The following DOCK5 variants were observed in gnomAD, a reference collection of about 807,000 sequenced individuals.
DOCK5 encodes dedicator of cytokinesis protein 5.
A neutral mutation model predicts 251.8 loss-of-function variants in DOCK5; 142 were observed. That is an observed-to-expected ratio of 0.56 (90% CI 0.49 to 0.65). The LOEUF (loss-of-function observed/expected upper bound fraction) is 0.65. DOCK5 is among the 30% of genes least tolerant of loss of function. The pLI, the probability that DOCK5 is intolerant of heterozygous loss-of-function variation, is 0.00. For missense variants in DOCK5, 2,111 were observed against 2,312.3 expected (o/e 0.91, Z 1.79); for synonymous variants, 842 against 835.5 (o/e 1.01, Z -0.13).
At chr8:25,339,511 G>A (rs902225021) in intron 22 of DOCK5, among the ~76,000 whole-genome samples, 2 of 152,144 alleles carry the variant, frequency 1.3e-5, no homozygotes, top group African/African-American at 2.4e-5. Context: ...TTGGAGTGGT[G>A]GAACCAGCAG....
intron 37 of DOCK5, chr8:25,376,468 T>C (rs1264618734): frequency 1.5e-6 from 1 of 673,488 alleles, no homozygotes; most frequent in Non-Finnish European, 1.8e-6. Flanking sequence ...ACCAGTACCA[T>C]ACTGTATTAA....
rs766735672 is a variant in DOCK5 at position 25,359,008 on chromosome 8, G to A, written c.2896G>A (p.Asp966Asn). ...GATTGCCCTGCTGCAGCAAATGGAC[G>A]ACAGCCACTATAGCCACTACATCAG... ...CMIALLQQMD[D>N]SHYSHYISTF... The change falls in exon 28 of 52, where the codon GAC becomes AAC. Residue 966 changes from aspartate (D) to asparagine (N), a missense_variant. Coordinates refer to ENST00000276440, the MANE Select transcript of DOCK5 (RefSeq NM_024940.8). 6.2e-6 allele frequency: 10 copies of A among 1,613,814 alleles called. No homozygotes were observed. Among genetic ancestry groups the A allele is most frequent in the African/African-American group, 5.3e-5 (4 of 74,914 alleles).
intron 13 of DOCK5, among the ~76,000 whole-genome samples, chr8:25,313,984 G>T (rs73560446): frequency 2.0e-5 from 3 of 151,980 alleles, no homozygotes; most frequent in Non-Finnish European, 4.4e-5. Context: ...TCTCCCTAGG[G>T]GTATCATCCA....
intron 48 of DOCK5, among the ~76,000 whole-genome samples, chr8:25,406,363 A>G (rs1019259819): frequency 2.0e-5 from 3 of 152,202 alleles, no homozygotes; most frequent in African/African-American, 7.2e-5. Context: ...AAGTATTTAA[A>G]ATAGTCTTGA....
At chr8:25,397,403 C>A (rs1801364704) in intron 45 of DOCK5, among the ~76,000 whole-genome samples, 1 of 152,194 alleles carries the variant, frequency 6.6e-6, no homozygotes. Context: ...GAATGTTCTT[C>A]ATGGGTGGTG....
intron 2 of DOCK5, among the ~76,000 whole-genome samples, chr8:25,247,707 T>C (rs934549682): frequency 5.3e-5 from 8 of 152,026 alleles, no homozygotes; most frequent in African/African-American, 1.9e-4. Context: ...GCTAAGGGGG[T>C]CACTGAGCTT....
intron 13 of DOCK5, among the ~76,000 whole-genome samples, chr8:25,311,420 G>A (rs1805091841): frequency 6.6e-6 from 1 of 151,720 alleles, no homozygotes; most frequent in Non-Finnish European, 1.5e-5. Context: ...GCACGTGCCT[G>A]TAGTCCCAGC....
chr8:25,226,215 A>G (rs1214705199), intron 1 of DOCK5, among the ~76,000 whole-genome samples: 3 of 150,986 alleles, frequency 2.0e-5, no homozygotes, highest in Non-Finnish European at 4.4e-5. Flanking sequence ...TATCCTCCAC[A>G]CTAGTCTTAA....
chr8:25,369,577 A>T lies in DOCK5; in HGVS notation c.3460A>T (p.Lys1154Ter). Residue 1154 changes from lysine (K) to a stop codon, truncating the protein, a stop_gained, in exon 34 of 52, where the codon AAG becomes TAG. Transcript: ENST00000276440. LOFTEE classifies it high-confidence loss of function. ...TCAGTTTGAGAATGAGCTGATCACAAAGCTGGACCAGGAGGTAGAAGGGGG... is the reference window on the plus strand; with the variant it reads ...TCAGTTTGAGAATGAGCTGATCACATAGCTGGACCAGGAGGTAGAAGGGGG... ...FHMFENELIT[K>*]LDQEVEGGRG... 1 of 1,611,352 alleles carries T rather than the reference A, an allele frequency of 6.2e-7. No homozygotes were observed. Among genetic ancestry groups the T allele is most frequent in the Non-Finnish European group, 8.5e-7 (1 of 1,178,800 alleles).
chr8:25,264,905 A>G (rs1324245338), intron 2 of DOCK5, among the ~76,000 whole-genome samples: 1 of 152,038 alleles, frequency 6.6e-6, no homozygotes, highest in Non-Finnish European at 1.5e-5. Flanking sequence ...TGCTGTACTT[A>G]GAATAAAACT....
chr8:25,311,324 A>G (rs1002040715), intron 13 of DOCK5, among the ~76,000 whole-genome samples: 2 of 152,018 alleles, frequency 1.3e-5, no homozygotes, highest in African/African-American at 4.8e-5. Flanking sequence ...TGGGCGGATC[A>G]TGAGGTCAAG....
chr8:25,257,111 C>T (rs1803441110), intron 2 of DOCK5, among the ~76,000 whole-genome samples: 1 of 152,070 alleles, frequency 6.6e-6, no homozygotes, highest in South Asian at 2.1e-4. Flanking sequence ...AGCACAGACA[C>T]ATTCTTCAAA....
intron 34 of DOCK5, among the ~76,000 whole-genome samples, chr8:25,371,176 AT>A (rs1800866504): frequency 6.6e-6 from 1 of 152,080 alleles, no homozygotes; most frequent in Non-Finnish European, 1.5e-5. Flanking sequence ...TTTTTTGAAG[AT>A]TCTCTAAGGA....
chr8:25,251,552 CTT>C (rs1803268952), intron 2 of DOCK5, among the ~76,000 whole-genome samples: 1 of 152,144 alleles, frequency 6.6e-6, no homozygotes, highest in African/African-American at 2.4e-5. Flanking sequence ...TGTATTAAGA[CTT>C]GAGCTGTATG....
chr8:25,384,197 G>C (rs1465825321), intron 40 of DOCK5, among the ~76,000 whole-genome samples: 1 of 152,162 alleles, frequency 6.6e-6, no homozygotes, highest in Non-Finnish European at 1.5e-5. Flanking sequence ...GTACTCTGTG[G>C]TTTTATTTAT....
At chr8:25,311,592 AT>A (rs1485983849) in intron 13 of DOCK5, among the ~76,000 whole-genome samples, 1 of 151,330 alleles carries the variant, frequency 6.6e-6, no homozygotes, top group Non-Finnish European at 1.5e-5. Context: ...TGTTAGAAAA[AT>A]TCTAGAAAAC....
intron 10 of DOCK5, among the ~76,000 whole-genome samples, chr8:25,303,377 C>T (rs560789914): frequency 7.2e-5 from 11 of 152,246 alleles, no homozygotes; most frequent in African/African-American, 2.2e-4. Context: ...ATAAAATACT[C>T]GCTGGGAAGT....
chr8:25,297,414 C>T (rs568687433), intron 7 of DOCK5, among the ~76,000 whole-genome samples: 1 of 152,034 alleles, frequency 6.6e-6, no homozygotes, highest in African/African-American at 2.4e-5. Flanking sequence ...CCCACCACCA[C>T]GCCTGGCTAA....
intron 29 of DOCK5, 145 bp from the exon 30 acceptor site, chr8:25,364,481 T>C (rs1800741549): frequency 6.6e-6 from 4 of 610,294 alleles, no homozygotes; most frequent in South Asian, 2.0e-5. Flanking sequence ...GATGGTGTTA[T>C]GCTGTTGTCT....
Sources: gnomAD v4.1 joint callset for allele counts (sites outside exome capture counted in the v4.1 genomes callset) on GRCh38, gnomAD v4.1.1 for gene constraint, MANE v1.5 for transcripts, NCBI Gene and HGNC (gene_info 2026-07-23, HGNC 2026-07-21) for gene names.